The following CYB5R2 variants were observed in gnomAD, a reference collection of about 807,000 sequenced individuals.
CYB5R2 encodes cytochrome b5 reductase 2, also known as NADH-cytochrome b5 reductase 2.
Under a neutral mutation model 29.8 loss-of-function variants are expected in CYB5R2, and 35 were observed. That is an observed-to-expected ratio of 1.17 (90% CI 0.90 to 1.56). The LOEUF (loss-of-function observed/expected upper bound fraction) is 1.56. Ranked by LOEUF, CYB5R2 falls within the 40% of genes most tolerant of loss-of-function variation. The pLI, the probability that CYB5R2 is intolerant of heterozygous loss-of-function variation, is 0.00. For missense variants in CYB5R2, 419 were observed against 346.7 expected (o/e 1.21, Z -1.66); for synonymous variants, 169 against 130.6 (o/e 1.29, Z -2.01).
At chr11:7,668,730 G>A in intron 5 of CYB5R2, 169 bp from the exon 6 acceptor site, 1 of 658,448 alleles carries the variant, frequency 1.5e-6, no homozygotes. Context: ...TAGCCCTGGT[G>A]CTCCAGTGCA....
chr11:7,672,614 C>G, intron 2 of CYB5R2, 91 bp from the exon 3 acceptor site: 1 of 1,393,198 alleles, frequency 7.2e-7, no homozygotes, highest in East Asian at 2.4e-5. Flanking sequence ...CCGTTTGGCG[C>G]TATTCCAGCA....
Position 7,669,345 on chromosome 11 carries a change from A to G in CYB5R2, c.259-11T>C. ...ATTTTTGAAGTAGATCTGAAAAGCA[A>G]GGCAGCACTGCTTTCACATTCCCAG... On this transcript the variant is annotated splice_polypyrimidine_tract_variant and intron_variant, in intron 4 of 8. Coordinates refer to ENST00000299498, the MANE Select transcript of CYB5R2 (RefSeq NM_016229.5). 1 of 1,604,212 alleles carries G rather than the reference A, an allele frequency of 6.2e-7. No individual in the cohort carries two copies. The highest frequency in any genetic ancestry group is 1.1e-5 in the South Asian group (1 of 89,198).
intron 3 of CYB5R2, chr11:7,671,248 G>A (rs948437402): frequency 2.0e-5 from 3 of 152,328 alleles, no homozygotes; most frequent in Non-Finnish European, 4.4e-5. Flanking sequence ...ACCTAGGCCT[G>A]GCCTGAGGGT....
At chr11:7,669,420 GC>G (rs1175053303) in intron 4 of CYB5R2, 86 bp from the exon 5 acceptor site, 1 of 1,482,920 alleles carries the variant, frequency 6.7e-7, no homozygotes. Flanking sequence ...ACTGCTGGAA[GC>G]TTTGCAGAGA....
intron 3 of CYB5R2, chr11:7,671,709 C>CCA (rs1855752788): frequency 6.6e-6 from 1 of 152,252 alleles, no homozygotes. Context: ...GGAGTAGGAT[C>CCA]CACCAGGCAG....
intron 7 of CYB5R2, chr11:7,667,207 T>C (rs1258600595): frequency 6.6e-6 from 1 of 152,202 alleles, no homozygotes; most frequent in Non-Finnish European, 1.5e-5. Flanking sequence ...CACCATATTA[T>C]TTAGAACTGA....
chr11:7,666,717 C>G (rs530634248), intron 7 of CYB5R2, 167 bp from the exon 8 acceptor site: 1 of 539,706 alleles, frequency 1.9e-6, no homozygotes, highest in African/African-American at 1.9e-5. Flanking sequence ...TCCTGAAGCT[C>G]AAACCCTTTG....
intron 3 of CYB5R2, 33 bp downstream of exon 3, chr11:7,672,418 C>T (rs772376001): frequency 1.9e-6 from 3 of 1,599,032 alleles, no homozygotes; most frequent in Non-Finnish European, 2.6e-6. Flanking sequence ...CCCCAGAGGC[C>T]CCAGTCCTGG....
chr11:7,668,785 CTTCTG>C lies in CYB5R2; in HGVS notation c.389-229_389-225del, dbSNP rs1855529312. 1.2e-5 allele frequency: 7 copies of C among 603,482 alleles called. No individual in the cohort carries two copies. In the South Asian group the frequency reaches 1.2e-4, roughly 10 times the overall value. The allele number at this position is 603,482 out of a possible 1,614,324, so 37.4% of individuals were successfully genotyped here. On this transcript the variant is annotated intron_variant, in intron 5 of 8. Transcript: ENST00000299498. ...GGGCTTGGTCGGGGAATCGCCGGGC[CTTCTG>C]TTCTGAGGAAAAAGAGGGGCAAGCT...
chr11:7,673,534 C>A, upstream of CYB5R2: 1 of 985,332 alleles, frequency 1.0e-6, no homozygotes, highest in Non-Finnish European at 1.2e-6. Flanking sequence ...CCGCCCCACT[C>A]CCCGCCCTTC....
rs1384253930 is a variant in CYB5R2 at position 7,668,557 on chromosome 11, AT to A, written c.392del (p.Asn131IlefsTer22). 4.3e-6 allele frequency: 7 copies of A among 1,612,708 alleles called. No individual in the cohort carries two copies. Among genetic ancestry groups the A allele is most frequent in the Non-Finnish European group, 5.1e-6 (6 of 1,178,874 alleles). ...RGRLFYHGPGNLGIRPDQTSE... is the reference protein window; with the variant it reads ...RGRLFYHGPGXLGIRPDQTSE... ...TCGTCTGGTCTGGTCTGATTCCAAG[AT>A]TCCCTGGAAACACAGAGAATGCTTA... On this transcript the variant is annotated frameshift_variant, in exon 6 of 9. Transcript: ENST00000299498. LOFTEE classifies it high-confidence loss of function.
In CYB5R2 at chr11:7,665,207, C is replaced by G. The variant is rs1267174035; in HGVS notation, c.*167G>C. ...AGGCCCCAGCAGCCAGTCTCCAGCC[C>G]CTTGAGCCCTTTTTGTTAGGCCCAC... On this transcript the variant is annotated 3_prime_UTR_variant, in exon 9 of 9. Coordinates refer to ENST00000299498, the MANE Select transcript of CYB5R2 (RefSeq NM_016229.5). 3 of 554,760 alleles carry G rather than the reference C, an allele frequency of 5.4e-6. No individual in the cohort carries two copies. The highest frequency in any genetic ancestry group is 9.2e-6 in the Non-Finnish European group (3 of 325,998). The allele number at this position is 554,760 out of a possible 1,614,324, so 34.4% of individuals were successfully genotyped here. A position where few individuals can be genotyped will look rare whatever the true frequency, so the allele number is the denominator to read the frequency against.
intron 7 of CYB5R2, 97 bp downstream of exon 7, chr11:7,667,631 C>G: frequency 8.4e-7 from 1 of 1,184,388 alleles, no homozygotes; most frequent in Middle Eastern, 1.9e-4. Flanking sequence ...TGCAGGCACC[C>G]AAGCAGCATG....
At chr11:7,669,882 T>C in intron 3 of CYB5R2, 151 bp from the exon 4 acceptor site, 1 of 638,666 alleles carries the variant, frequency 1.6e-6, no homozygotes, top group South Asian at 1.8e-5. Context: ...AACCCAAATA[T>C]GGGATGCCCG....
chr11:7,666,386 C>A, intron 8 of CYB5R2, 65 bp downstream of exon 8: 2 of 1,011,316 alleles, frequency 2.0e-6, no homozygotes, highest in South Asian at 2.7e-5. Context: ...GAGACAGAGA[C>A]CAGTCCTCAA....
intron 8 of CYB5R2, chr11:7,665,926 T>C: frequency 1.3e-6 from 2 of 1,536,022 alleles, no homozygotes; most frequent in Non-Finnish European, 1.7e-6. Flanking sequence ...TAGCGCCCTC[T>C]GCCGACCAGG....
chr11:7,672,258 A>G (rs771437951), intron 3 of CYB5R2, 193 bp downstream of exon 3: 4 of 577,514 alleles, frequency 6.9e-6, no homozygotes, highest in African/African-American at 1.9e-5. Context: ...TGTCAGCCCA[A>G]TTGGAATAAT....
intron 7 of CYB5R2, chr11:7,666,779 G>C: frequency 2.4e-6 from 1 of 420,304 alleles, no homozygotes; most frequent in Non-Finnish European, 4.4e-6. Context: ...TGGGATGTAG[G>C]TTCCCATGGA....
At position 7,672,436 on chromosome 11, in the gene CYB5R2, C is replaced by T; in HGVS notation, c.151+15G>A. 1 of 1,613,624 alleles carries T rather than the reference C, an allele frequency of 6.2e-7. No homozygotes were observed. The highest frequency in any genetic ancestry group is 8.5e-7 in the Non-Finnish European group (1 of 1,179,614). Reference sequence around the variant, plus strand: ...CAGAGGCCCCAGTCCTGGTGATGACCCAAGCCCGGCTCACCTACAGGAAGC... The same window carrying T: ...CAGAGGCCCCAGTCCTGGTGATGACTCAAGCCCGGCTCACCTACAGGAAGC... On this transcript the variant is annotated intron_variant, in intron 3 of 8. Transcript: ENST00000299498.
Sources: gnomAD v4.1 joint callset for allele counts on GRCh38, gnomAD v4.1.1 for gene constraint, MANE v1.5 for transcripts, NCBI Gene and HGNC (gene_info 2026-07-23, HGNC 2026-07-21) for gene names.